Variants in PSMD2 observed in about 807,000 individuals in gnomAD.
PSMD2 encodes the protein proteasome 26S subunit ubiquitin receptor, non-ATPase 2.
In PSMD2, 8 loss-of-function variants were observed where a neutral mutation model predicts 101.5. That is an observed-to-expected ratio of 0.08 (90% CI 0.05 to 0.14). The LOEUF is 0.14. Ranked by LOEUF, PSMD2 falls within the 10% of genes least tolerant of loss-of-function variation. The pLI is 1.00. For missense variants in PSMD2, 784 were observed against 1,147.4 expected, an observed-to-expected ratio of 0.68 and a Z score of 4.58; for synonymous variants, 418 against 433.8, an observed-to-expected ratio of 0.96 and a Z score of 0.45.
chr3:184,301,568 C>T lies in PSMD2; in HGVS notation c.389C>T (p.Ala130Val). Residue 130 changes from alanine to valine, a missense_variant, in exon 4 of 21, where the codon GCC becomes GTC. Physicochemically the swap from Ala to Val is moderately conservative, Grantham distance 64. Transcript: ENST00000310118. Reference protein sequence around the residue: ...RFAADIISVLAMTMSGERECL... With the variant: ...RFAADIISVLVMTMSGERECL... ...GCTGCTGACATCATCTCCGTTTTGG[C>T]CATGACCATGAGTGGGGAGCGTGAG... 6.2e-7 allele frequency: 1 copy of T among 1,613,926 alleles called. No individual in the cohort carries two copies. Among genetic ancestry groups the T allele is most frequent in the Non-Finnish European group, 8.5e-7 (1 of 1,179,942 alleles).
Position 184,299,374 on chromosome 3 carries a change from C to T in PSMD2, c.108C>T (p.Ala36=). The change falls in exon 1 of 21, where the codon GCC becomes GCT. Residue 36 remains alanine (A), a synonymous_variant. Coordinates refer to ENST00000310118, the MANE Select transcript of PSMD2 (RefSeq NM_002808.5). The part of the protein sequence containing the change: ...EKPSGKERRD[A]GDKDKEQELS... Reference sequence around the variant, plus strand: ...CGAGCGGCAAGGAGCGGCGGGATGCCGGGGACAAGGACAAAGAACAGGAGC... The same window carrying T: ...CGAGCGGCAAGGAGCGGCGGGATGCTGGGGACAAGGACAAAGAACAGGAGC... The T allele has an allele frequency of 2.1e-6, 3 of 1,401,588 alleles. No individual in the cohort carries two copies. The highest frequency in any genetic ancestry group is 3.0e-5 in the South Asian group (2 of 66,906). The allele number at this position is 1,401,588 out of a possible 1,614,324, so 86.8% of individuals were successfully genotyped here.
intron 8 of PSMD2, 92 bp from the exon 9 acceptor site, chr3:184,303,228 G>A: frequency 1.3e-6 from 2 of 1,535,892 alleles, no homozygotes; most frequent in South Asian, 2.3e-5. Context: ...TAAGGGACTA[G>A]CTCAGAACCA....
At chr3:184,301,700 C>T in intron 4 of PSMD2, 42 bp downstream of exon 4, 1 of 1,612,326 alleles carries the variant, frequency 6.2e-7, no homozygotes, top group African/African-American at 1.3e-5. Context: ...GGCTCTGAGG[C>T]TCTGAGATAA....
chr3:184,302,144 A>T, intron 5 of PSMD2, 73 bp downstream of exon 5: 2 of 1,480,886 alleles, frequency 1.4e-6, no homozygotes. Flanking sequence ...CGCCTCCTCT[A>T]TTTTCCCAGA....
At chr3:184,301,015 C>T (rs1696242831) in intron 3 of PSMD2, among the ~76,000 whole-genome samples, 1 of 151,966 alleles carries the variant, frequency 6.6e-6, no homozygotes, top group Non-Finnish European at 1.5e-5. Flanking sequence ...TCATTTATCA[C>T]CCTTCAGCTG....
intron 12 of PSMD2, among the ~76,000 whole-genome samples, chr3:184,305,350 G>A (rs1424394639): frequency 1.3e-5 from 2 of 152,090 alleles, no homozygotes; most frequent in Non-Finnish European, 2.9e-5. Context: ...TTAGCTGGGC[G>A]TGGTGGCGCG....
intron 12 of PSMD2, among the ~76,000 whole-genome samples, chr3:184,305,172 ATC>A (rs1295073914): frequency 3.4e-4 from 51 of 152,222 alleles, no homozygotes; most frequent in African/African-American, 1.2e-3. Context: ...AAGTAATTCA[ATC>A]TCTTTAGGCC....
chr3:184,307,742 G>C, intron 18 of PSMD2, 34 bp downstream of exon 18: 2 of 1,608,382 alleles, frequency 1.2e-6, no homozygotes, highest in Non-Finnish European at 1.7e-6. Flanking sequence ...GAGCGTGCCG[G>C]GGAAGTATCT....
Position 184,304,233 on chromosome 3 carries a change from T to C in PSMD2, c.1452-71T>C. On this transcript the variant is annotated intron_variant, in intron 11 of 20. Coordinates refer to ENST00000310118, the MANE Select transcript of PSMD2 (RefSeq NM_002808.5). The surrounding 1 kb of genome is among the most constrained non-coding windows in gnomAD (Gnocchi z 4.1). ...GTTGAAATGGTGAATGAATGACCGA[T>C]TCTCCTTTTGTTCTTTTCTTGCTGC... The C allele has an allele frequency of 6.4e-7, 1 of 1,563,118 alleles. No individual in the cohort carries two copies. The highest frequency in any genetic ancestry group is 1.1e-5 in the South Asian group (1 of 90,058).
intron 10 of PSMD2, 86 bp from the exon 11 acceptor site, chr3:184,303,861 A>G: frequency 6.2e-7 from 1 of 1,605,024 alleles, no homozygotes; most frequent in South Asian, 1.1e-5. Context: ...CTAGTTAATA[A>G]GGGTGCTGCA....
intron 3 of PSMD2, among the ~76,000 whole-genome samples, 200 bp from the exon 4 acceptor site, chr3:184,301,336 CA>C (rs112455702): frequency 0.02 from 1,791 of 90,258 alleles, 22 homozygotes; most frequent in African/African-American, 0.056. Context: ...AACTGAGTCT[CA>C]AAAAAAAAAA....
chr3:184,302,593 G>C (rs1721682620), intron 6 of PSMD2, 65 bp downstream of exon 6: 1 of 1,611,238 alleles, frequency 6.2e-7, no homozygotes, highest in South Asian at 1.1e-5. Flanking sequence ...AAAGAGCTGG[G>C]ACTTGTAGTT....
intron 8 of PSMD2, 36 bp from the exon 9 acceptor site, chr3:184,303,284 C>T (rs1721710859): frequency 6.2e-7 from 1 of 1,600,286 alleles, no homozygotes; most frequent in Non-Finnish European, 8.5e-7. Flanking sequence ...TACCTGAAAC[C>T]TTCTTTCCTT....
intron 13 of PSMD2, 26 bp downstream of exon 13, chr3:184,305,956 A>G (rs1244424442): frequency 1.9e-6 from 3 of 1,613,798 alleles, no homozygotes; most frequent in African/African-American, 1.3e-5. Flanking sequence ...TATTTGGGCA[A>G]AGAGCTGACA....
At position 184,303,242 on chromosome 3, in the gene PSMD2, A is replaced by G. The variant is rs1721709551; in HGVS notation, c.1070-78A>G. 2.6e-6 allele frequency: 4 copies of G among 1,554,880 alleles called. No homozygotes were observed. In the East Asian group the frequency reaches 9.0e-5, roughly 35 times the overall value. On this transcript the variant is annotated intron_variant, in intron 8 of 20. Transcript: ENST00000310118. ...CTAAGGGACTAGCTCAGAACCAGAG[A>G]CCAGTTGCCATGCTGTGTTTCTTTC...
rs1392712443 is a variant in PSMD2, at chr3:184,308,838, C to T, written c.2675C>T (p.Pro892Leu). 2 of 1,612,686 alleles carry T rather than the reference C, an allele frequency of 1.2e-6. No individual in the cohort carries two copies. Among genetic ancestry groups the T allele is most frequent in the Non-Finnish European group, 1.7e-6 (2 of 1,180,002 alleles). ...LATEEFLPVT[P>L]ILEGFVILRK... ...ACTGAGGAGTTTCTTCCTGTTACCC[C>T]CATTCTGGAAGGTTTTGTTATCCTT... Residue 892 changes from proline (P) to leucine (L), a missense_variant, in exon 21 of 21, where the codon CCC becomes CTC. Physicochemically the swap from Pro to Leu is moderately conservative, Grantham distance 98. This residue lies in a region of PSMD2 where 33 missense variants were observed against 38.2 expected (regional missense o/e 0.86). Coordinates refer to ENST00000310118, the MANE Select transcript of PSMD2 (RefSeq NM_002808.5). This position sits in a 1 kb window ranked among gnomAD's most constrained non-coding sequence, Gnocchi z 6.0.
At position 184,304,391 on chromosome 3, in the gene PSMD2, G is replaced by A. The variant is rs747748170; in HGVS notation, c.1539G>A (p.Glu513=). 31 of 1,613,310 alleles carry A rather than the reference G, an allele frequency of 1.9e-5. No homozygotes were observed. In the African/African-American group the frequency reaches 2.0e-4, roughly 10 times the overall value. ...PVMGDSKSSM[E]VAGVTALACG... The stretch of plus-strand genomic sequence containing the variant: ...TGGGAGATTCAAAGTCCAGCATGGA[G>A]GTGAGTAGAGGCTATTGAGCATTTA... The change falls in exon 12 of 21, where the codon GAG becomes GAA. Residue 513 remains glutamate (E), a splice_region_variant and synonymous_variant. Transcript: ENST00000310118. This position sits in a 1 kb window ranked among gnomAD's most constrained non-coding sequence, Gnocchi z 4.1.
In PSMD2 at chr3:184,306,388, A is replaced by G; in HGVS notation, c.1843A>G (p.Ile615Val). ...GCTGAAGGTGCAGCAGCTGCTCCAC[A>G]TTTGTAGCGAACACTTTGACTCCAA... is the stretch of plus-strand genomic sequence containing the variant. ...NVLKVQQLLHICSEHFDSKEK... is the reference protein window; with the variant it reads ...NVLKVQQLLHVCSEHFDSKEK... Residue 615 changes from isoleucine (I) to valine (V), a missense_variant, in exon 15 of 21, where the codon ATT (isoleucine) becomes GTT (valine). Physicochemically the swap from Ile to Val is conservative, Grantham distance 29 (BLOSUM62 3). Coordinates refer to ENST00000310118, the MANE Select transcript of PSMD2 (RefSeq NM_002808.5). 1 of 1,614,210 alleles carries G rather than the reference A, an allele frequency of 6.2e-7. No homozygotes were observed.
At chr3:184,300,915 T>C (rs1430044901) in intron 3 of PSMD2, among the ~76,000 whole-genome samples, 1 of 152,228 alleles carries the variant, frequency 6.6e-6, no homozygotes, top group Admixed American at 6.5e-5. Context: ...TCTTTCTCGG[T>C]TATAGGTCTT....
Sources: allele counts gnomAD v4.1 joint callset (sites outside exome capture counted in the v4.1 genomes callset), GRCh38; gene constraint gnomAD v4.1.1; regional missense constraint gnomAD v4.1.1; non-coding constraint Gnocchi (gnomAD v3.1); transcripts MANE v1.5; gene names NCBI Gene and HGNC (gene_info 2026-07-23, HGNC 2026-07-21).